Variants in EYA3 observed in about 807,000 individuals in gnomAD.
The protein encoded by EYA3 is EYA transcriptional coactivator and phosphatase 3, also known as protein phosphatase EYA3.
EYA3 carries 39 observed loss-of-function variants against 80.0 expected under a neutral mutation model. The ratio of observed to expected loss-of-function variants is 0.49; its 90% CI spans 0.38 to 0.64. EYA3 has a LOEUF of 0.64. Among genes scored for constraint, EYA3 ranks in the 30% least tolerant of loss-of-function variants. The probability of loss-of-function intolerance (pLI) is 0.00; values close to 1 mark genes in which losing one functional copy is unlikely to be tolerated. For synonymous variants in EYA3, 206 were observed against 232.8 expected (o/e 0.88, Z 1.05); for missense variants, 523 against 676.1 (o/e 0.77, Z 2.51).
At chr1:28,048,488 A>ACT in intron 2 of EYA3, 62 bp from the exon 3 acceptor site, 1 of 1,292,470 alleles carries the variant, frequency 7.7e-7, no homozygotes, top group Non-Finnish European at 1.1e-6. Context: ...TCATTTAGCT[A>ACT]CTCAAACAAC....
At chr1:27,993,291 G>T in intron 14 of EYA3, 109 bp downstream of exon 14, 1 of 1,168,598 alleles carries the variant, frequency 8.6e-7, no homozygotes, top group Non-Finnish European at 1.2e-6. Context: ...ACATATAACT[G>T]TGGCATAATT....
chr1:28,048,404 T>C lies in EYA3; in HGVS notation c.56A>G (p.Glu19Gly), dbSNP rs150741524. Residue 19 changes from glutamate (E) to glycine (G), a missense_variant, in exon 3 of 18, where the codon GAA becomes GGA. Transcript: ENST00000373871. Reference protein sequence around the residue: ...EQPVKKAKMQESGEQTISQVS... With the variant: ...EQPVKKAKMQGSGEQTISQVS... ...ATACCTTATAGTTTGCTCTCCTGAT[T>C]CCTGCATCTTGGCTTTTTTCACCTG... 53 of 1,612,322 alleles carry C rather than the reference T, an allele frequency of 3.3e-5. No homozygotes were observed. Among genetic ancestry groups the C allele is most frequent in the Non-Finnish European group, 4.3e-5 (51 of 1,179,112 alleles).
intron 1 of EYA3, among the ~76,000 whole-genome samples, chr1:28,075,466 G>A (rs1412356321): frequency 2.6e-5 from 4 of 152,186 alleles, no homozygotes; most frequent in South Asian, 2.1e-4. Flanking sequence ...TCTTGTGAAT[G>A]AGGTTTTTCA....
At chr1:28,063,060 A>G (rs1644694077) in intron 1 of EYA3, among the ~76,000 whole-genome samples, 1 of 151,656 alleles carries the variant, frequency 6.6e-6, no homozygotes. Context: ...TTCCATGAAA[A>G]CAAGGCATAT....
intron 16 of EYA3, among the ~76,000 whole-genome samples, chr1:27,980,187 T>C (rs533220262): frequency 3.9e-5 from 6 of 152,350 alleles, no homozygotes; most frequent in African/African-American, 1.4e-4. Flanking sequence ...TGGAGGACTG[T>C]AGTCCAGGTC....
intron 11 of EYA3, 92 bp downstream of exon 11, chr1:28,004,244 G>A: frequency 1.2e-6 from 1 of 865,330 alleles, no homozygotes; most frequent in East Asian, 2.6e-5. Flanking sequence ...CAGCCAACAG[G>A]GGTAGCAGAG....
chr1:28,063,792 C>G (rs1644729764), intron 1 of EYA3, among the ~76,000 whole-genome samples: 1 of 152,140 alleles, frequency 6.6e-6, no homozygotes, highest in African/African-American at 2.4e-5. Context: ...ACGTTTAATA[C>G]TATTCATTAT....
intron 1 of EYA3, among the ~76,000 whole-genome samples, chr1:28,063,243 C>T (rs1644700532): frequency 6.6e-6 from 1 of 150,464 alleles, no homozygotes; most frequent in Non-Finnish European, 1.5e-5. Flanking sequence ...GATTTGCTCA[C>T]TGACTACATT....
intron 1 of EYA3, among the ~76,000 whole-genome samples, chr1:28,072,086 G>A (rs1645037016): frequency 6.6e-6 from 1 of 151,962 alleles, no homozygotes; most frequent in Admixed American, 6.6e-5. Context: ...TCAAAATGAT[G>A]ACACACAAAT....
At chr1:27,981,865 G>T (rs961031837) in intron 16 of EYA3, among the ~76,000 whole-genome samples, 1 of 151,848 alleles carries the variant, frequency 6.6e-6, no homozygotes. Context: ...ATGAGACAAA[G>T]TCTTGCTATG....
chr1:28,010,890 T>C, intron 10 of EYA3, 57 bp downstream of exon 10: 1 of 1,563,722 alleles, frequency 6.4e-7, no homozygotes, highest in Non-Finnish European at 8.6e-7. Context: ...ACATGTTTGA[T>C]AAACTTAAGA....
At chr1:27,977,214 G>A in intron 17 of EYA3, 2 of 1,504,288 alleles carry the variant, frequency 1.3e-6, no homozygotes, top group South Asian at 1.3e-5. Context: ...AAAAAATAAG[G>A]ATCCCTGAAT....
rs3831952 is a variant in EYA3, at chr1:27,974,259, CAGAGAG to C, written c.*201_*206del. On this transcript the variant is annotated 3_prime_UTR_variant, in exon 18 of 18. Coordinates refer to ENST00000373871, the MANE Select transcript of EYA3 (RefSeq NM_001990.4). ...CTCGCCAGCATTCCATGGATAAAGA[CAGAGAG>C]AGAGAGAGAGAGAGAGGCAGAGAGG... 9.2e-3 allele frequency: 3,117 copies of C among 338,172 alleles called. 36 individuals are homozygous for C. Among genetic ancestry groups the C allele is most frequent in the African/African-American group, 0.044 (1,900 of 43,296 alleles). 20.9% of individuals were successfully genotyped at this position (338,172 alleles called of 1,614,324 possible).
At chr1:28,018,246 A>T (rs1642203170) in intron 7 of EYA3, among the ~76,000 whole-genome samples, 1 of 152,172 alleles carries the variant, frequency 6.6e-6, no homozygotes, top group South Asian at 2.1e-4. Flanking sequence ...GCTGATTTCC[A>T]TTCACATAAA....
At chr1:28,072,837 T>C (rs1645062310) in intron 1 of EYA3, among the ~76,000 whole-genome samples, 1 of 151,840 alleles carries the variant, frequency 6.6e-6, no homozygotes, top group African/African-American at 2.4e-5. Flanking sequence ...TCAAATGCCC[T>C]TCAAACTGGC....
intron 4 of EYA3, among the ~76,000 whole-genome samples, chr1:28,041,404 A>G (rs1182977570): frequency 1.3e-5 from 2 of 151,602 alleles, no homozygotes; most frequent in Non-Finnish European, 2.9e-5. Flanking sequence ...AATACAAAAA[A>G]TAGCTGGGCA....
At chr1:27,985,138 C>G (rs1454713057) in intron 16 of EYA3, among the ~76,000 whole-genome samples, 2 of 152,038 alleles carry the variant, frequency 1.3e-5, no homozygotes. Flanking sequence ...AGTACAGTGG[C>G]ATAATCACGG....
chr1:28,027,590 A>G (rs978806013), intron 7 of EYA3, among the ~76,000 whole-genome samples, 199 bp downstream of exon 7: 2 of 152,190 alleles, frequency 1.3e-5, no homozygotes, highest in African/African-American at 4.8e-5. Flanking sequence ...TTCAAAGGCT[A>G]AACTACTTAT....
intron 1 of EYA3, among the ~76,000 whole-genome samples, chr1:28,085,825 T>G (rs181482827): frequency 2.6e-5 from 4 of 152,320 alleles, no homozygotes; most frequent in Admixed American, 1.3e-4. Context: ...GGCTTGAAGA[T>G]CAGCAGCATG....
Sources: allele counts gnomAD v4.1 joint callset (sites outside exome capture counted in the v4.1 genomes callset), GRCh38; gene constraint gnomAD v4.1.1; transcripts MANE v1.5; gene names NCBI Gene and HGNC (gene_info 2026-07-23, HGNC 2026-07-21).